ATOH8: variants seen among roughly 807,000 people sequenced by gnomAD.
ATOH8 encodes transcription factor ATOH8.
ATOH8 carries 9 observed loss-of-function variants against 21.2 expected under a neutral mutation model. That is an observed-to-expected ratio of 0.42 (90% confidence interval 0.26 to 0.74). The LOEUF is 0.74. ATOH8 is among the 30% of genes least tolerant of loss of function. The pLI is 0.24. For synonymous variants in ATOH8, 253 were observed against 224.0 expected (o/e 1.13, Z -1.16); for missense variants, 524 against 470.9 (o/e 1.11, Z -1.04).
intron 1 of ATOH8, among the ~76,000 whole-genome samples, chr2:85,759,589 A>G (rs1264427948): frequency 2.6e-5 from 4 of 152,106 alleles, no homozygotes; most frequent in Non-Finnish European, 4.4e-5. Context: ...GCCTGGTGGC[A>G]GTGCAGGAGG....
intron 1 of ATOH8, among the ~76,000 whole-genome samples, chr2:85,761,981 C>G (rs1679883976): frequency 6.6e-6 from 1 of 152,156 alleles, no homozygotes; most frequent in Non-Finnish European, 1.5e-5. Flanking sequence ...TTCTCCCTCT[C>G]TGGGTTTCCT....
At position 85,754,652 on chromosome 2, in the gene ATOH8, T is replaced by G; in HGVS notation, c.463T>G (p.Leu155Val). Reference sequence around the variant, plus strand: ...GGAGCCGGGTCTGCGTCCTCGCATCTTGCTGTGCGCACCGCCCGCGCGCCC... The same window carrying G: ...GGAGCCGGGTCTGCGTCCTCGCATCGTGCTGTGCGCACCGCCCGCGCGCCC... ...FREPGLRPRILLCAPPARPAP... is the reference protein window; with the variant it reads ...FREPGLRPRIVLCAPPARPAP... Residue 155 changes from leucine to valine, a missense_variant, in exon 1 of 3, where the codon TTG (leucine) becomes GTG (valine). Transcript: ENST00000306279. 1 of 1,530,170 alleles carries G rather than the reference T, an allele frequency of 6.5e-7. No individual in the cohort carries two copies. Among genetic ancestry groups the G allele is most frequent in the Non-Finnish European group, 8.8e-7 (1 of 1,140,730 alleles). 94.8% of individuals were successfully genotyped at this position (1,530,170 alleles called of 1,614,324 possible). A position where few individuals can be genotyped will look rare whatever the true frequency, so the allele number is the denominator to read the frequency against.
At chr2:85,774,841 T>C (rs984481079) in intron 2 of ATOH8, 11 of 945,716 alleles carry the variant, frequency 1.2e-5, no homozygotes, top group Non-Finnish European at 1.4e-5. Flanking sequence ...GCCTCTGTGC[T>C]CATGCCATCC....
In ATOH8 at chr2:85,766,837, T is replaced by A. The variant is rs536476574; in HGVS notation, c.960+2655T>A. 3.9e-5 allele frequency among the ~76,000 whole-genome samples: 6 copies of A among 152,256 alleles called. No homozygotes were observed. Among genetic ancestry groups the A allele is most frequent in the Admixed American group, 3.9e-4 (6 of 15,292 alleles). On this transcript the variant is annotated intron_variant, in intron 2 of 2. Transcript: ENST00000306279. The surrounding 1 kb of genome is among the most constrained non-coding windows in gnomAD (Gnocchi z 4.0). ...CTGTCTACCTGTCTTTCTCTCTGAG[T>A]CTGGCTCACACTGTTCCCCTCTTTA...
At chr2:85,763,258 T>G (rs2104504719) in intron 1 of ATOH8, among the ~76,000 whole-genome samples, 1 of 152,240 alleles carries the variant, frequency 6.6e-6, no homozygotes, top group Non-Finnish European at 1.5e-5. Context: ...TATTAAAAAT[T>G]AAAGGCTCCA....
chr2:85,782,877 G>C (rs1472321819), intron 2 of ATOH8, among the ~76,000 whole-genome samples: 1 of 152,162 alleles, frequency 6.6e-6, no homozygotes, highest in Non-Finnish European at 1.5e-5. Context: ...TGTATTTTTA[G>C]TAGAGATGGG....
rs1680754225 is a variant in ATOH8 at position 85,790,962 on chromosome 2, G to C, written c.*4072G>C. Among the ~76,000 whole-genome samples, 1 of 152,198 alleles carries C rather than the reference G, an allele frequency of 6.6e-6. No individual in the cohort carries two copies. The highest frequency in any genetic ancestry group is 1.5e-5 in the Non-Finnish European group (1 of 68,030). ...CATCTCCAAGGAAACCCTTTGAGTG[G>C]ATCTGTACCGTTGTTCTCGTCTTGC... On this transcript the variant is annotated 3_prime_UTR_variant, in exon 3 of 3. Coordinates refer to ENST00000306279, the MANE Select transcript of ATOH8 (RefSeq NM_032827.7).
At chr2:85,755,545 T>G (rs943759163) in intron 1 of ATOH8, among the ~76,000 whole-genome samples, 2 of 152,212 alleles carry the variant, frequency 1.3e-5, no homozygotes, top group African/African-American at 4.8e-5. Flanking sequence ...GGTGGGAGTC[T>G]TTCTAGCAGA....
Position 85,764,222 on chromosome 2 carries a change from TA to T in ATOH8, c.960+41del, listed in dbSNP as rs757554782. 24 of 1,607,344 alleles carry T rather than the reference TA, an allele frequency of 1.5e-5. No homozygotes were observed. In the African/African-American group the frequency reaches 2.9e-4, roughly 20 times the overall value. On this transcript the variant is annotated intron_variant, in intron 2 of 2. Transcript: ENST00000306279. ...GGTGGGCGGTAGCTTCTGGGGAGCA[TA>T]GGGGAGGCAGGGACAGGAACTTGGG...
intron 2 of ATOH8, among the ~76,000 whole-genome samples, chr2:85,765,500 G>A (rs942937276): frequency 2.0e-5 from 3 of 152,232 alleles, no homozygotes; most frequent in Non-Finnish European, 4.4e-5. Context: ...GAGAGGAAGC[G>A]CCACTGGCGG....
Position 85,754,966 on chromosome 2 carries a change from T to C in ATOH8, c.768+9T>C. The C allele has an allele frequency of 6.3e-7, 1 of 1,581,512 alleles. No homozygotes were observed. The highest frequency in any genetic ancestry group is 8.5e-7 in the Non-Finnish European group (1 of 1,169,654). On this transcript the variant is annotated intron_variant, in intron 1 of 2. Transcript: ENST00000306279. ...AGGCGCTCAGGAAGCAGGTACCCGC[T>C]CGCCGCCGCACGCCCTCACTGCGCC... is the stretch of plus-strand genomic sequence containing the variant.
At chr2:85,784,039 C>T (rs954345215) in intron 2 of ATOH8, among the ~76,000 whole-genome samples, 1 of 152,136 alleles carries the variant, frequency 6.6e-6, no homozygotes, top group African/African-American at 2.4e-5. Context: ...GGGAGGAAGG[C>T]GGATACCTGC....
rs542819305 is a variant in ATOH8, at chr2:85,790,971, C to A, written c.*4081C>A. On this transcript the variant is annotated 3_prime_UTR_variant, in exon 3 of 3. Coordinates refer to ENST00000306279, the MANE Select transcript of ATOH8 (RefSeq NM_032827.7). ...GGAAACCCTTTGAGTGGATCTGTAC[C>A]GTTGTTCTCGTCTTGCTCTCTTGCT... is the stretch of plus-strand genomic sequence containing the variant. 6.6e-6 allele frequency among the ~76,000 whole-genome samples: 1 copy of A among 152,170 alleles called. No individual in the cohort carries two copies. The highest frequency in any genetic ancestry group is 2.4e-5 in the African/African-American group (1 of 41,424).
At position 85,764,082 on chromosome 2, in the gene ATOH8, A is replaced by G; in HGVS notation, c.860A>G (p.Asp287Gly). The change falls in exon 2 of 3, where the codon GAC becomes GGC. Residue 287 changes from aspartate to glycine, a missense_variant. Coordinates refer to ENST00000306279, the MANE Select transcript of ATOH8 (RefSeq NM_032827.7). ...NYILSLARLA[D>G]LDYSADHSNL... ...ATCCTGTCCCTGGCGCGGCTGGCTG[A>G]CCTTGACTACAGTGCCGACCACAGC... 6.2e-7 allele frequency: 1 copy of G among 1,614,102 alleles called. No homozygotes were observed. The highest frequency in any genetic ancestry group is 1.1e-5 in the South Asian group (1 of 91,072).
chr2:85,754,763 T>G lies in ATOH8; in HGVS notation c.574T>G (p.Tyr192Asp). The G allele has an allele frequency of 6.2e-7, 1 of 1,612,930 alleles. No homozygotes were observed. The highest frequency in any genetic ancestry group is 2.2e-5 in the East Asian group (1 of 44,856). ...CCCGACGCGCCCCGGGGAAAGTTCC[T>G]ACTCGTCAATTTCACACGTAATTTA... ...APPTRPGESS[Y>D]SSISHVIYNN... is the part of the protein sequence containing the mutation. Residue 192 changes from tyrosine to aspartate, a missense_variant, in exon 1 of 3, where the codon TAC (tyrosine) becomes GAC (aspartate). Tyr to Asp is a radical substitution (Grantham distance 160). Coordinates refer to ENST00000306279, the MANE Select transcript of ATOH8 (RefSeq NM_032827.7).
rs187685454 is a variant in ATOH8 at position 85,783,972 on chromosome 2, G to A, written c.961-2913G>A. ...TCAGACCTAGGCTAGACCAATGGGCGTCCTCCACTGGGTCTTGGGGATTGG... is the reference window on the plus strand; with the variant it reads ...TCAGACCTAGGCTAGACCAATGGGCATCCTCCACTGGGTCTTGGGGATTGG... On this transcript the variant is annotated intron_variant, in intron 2 of 2. Coordinates refer to ENST00000306279, the MANE Select transcript of ATOH8 (RefSeq NM_032827.7). Among the ~76,000 whole-genome samples the A allele has an allele frequency of 1.1e-4, 16 of 152,248 alleles. No individual in the cohort carries two copies. The East Asian group carries it at 1.7e-3, about 17-fold the overall frequency.
rs1335402680 is a variant in ATOH8, at chr2:85,754,651, C to T, written c.462C>T (p.Ile154=). The T allele has an allele frequency of 3.9e-6, 6 of 1,533,840 alleles. No homozygotes were observed. Among genetic ancestry groups the T allele is most frequent in the African/African-American group, 2.8e-5 (2 of 72,556 alleles). Residue 154 remains isoleucine (I), a synonymous_variant, in exon 1 of 3, where the codon ATC becomes ATT. Transcript: ENST00000306279. ...PFREPGLRPR[I]LLCAPPARPA... ...GGGAGCCGGGTCTGCGTCCTCGCAT[C>T]TTGCTGTGCGCACCGCCCGCGCGCC...
rs576619198 is a variant in ATOH8, at chr2:85,768,765, G to A, written c.960+4583G>A. On this transcript the variant is annotated intron_variant, in intron 2 of 2. Transcript: ENST00000306279. ...CCTTCCGCCCATCTCAGCCCTCCTCGGCAGGGGGTGGGGAACCTGCATTCC... is the reference window on the plus strand; with the variant it reads ...CCTTCCGCCCATCTCAGCCCTCCTCAGCAGGGGGTGGGGAACCTGCATTCC... Among the ~76,000 whole-genome samples, 32 of 152,274 alleles carry A rather than the reference G, an allele frequency of 2.1e-4. 2 individuals carry two copies. Among genetic ancestry groups the A allele is most frequent in the Admixed American group, 1.8e-3 (28 of 15,302 alleles).
intron 2 of ATOH8, among the ~76,000 whole-genome samples, chr2:85,783,099 A>G (rs1250037715): frequency 2.6e-5 from 4 of 152,234 alleles, no homozygotes; most frequent in Non-Finnish European, 5.9e-5. Flanking sequence ...CATTCTGACT[A>G]TAAACAAGTG....
Sources: gnomAD v4.1 joint callset for allele counts (sites outside exome capture counted in the v4.1 genomes callset) on GRCh38, gnomAD v4.1.1 for gene constraint, Gnocchi (gnomAD v3.1) non-coding constraint, MANE v1.5 for transcripts, NCBI Gene and HGNC (gene_info 2026-07-23, HGNC 2026-07-21) for gene names.